SEMA3D: variants seen among roughly 807,000 people sequenced by gnomAD.
The protein encoded by SEMA3D is semaphorin-3D.
In SEMA3D, 84 loss-of-function variants were observed where a neutral mutation model predicts 100.1. That is an observed-to-expected ratio of 0.84 (90% CI 0.70 to 1.01). SEMA3D has a LOEUF of 1.01. SEMA3D is among the 50% of genes least tolerant of loss of function. The probability of loss-of-function intolerance (pLI) is 0.00; values close to 1 mark genes in which losing one functional copy is unlikely to be tolerated. For missense variants in SEMA3D, 875 were observed against 934.1 expected, an observed-to-expected ratio of 0.94 and a Z score of 0.82; for synonymous variants, 312 against 320.7, an observed-to-expected ratio of 0.97 and a Z score of 0.29.
At chr7:85,039,789 G>T (rs1790803986) in intron 11 of SEMA3D, among the ~76,000 whole-genome samples, 1 of 151,966 alleles carries the variant, frequency 6.6e-6, no homozygotes, top group Admixed American at 6.6e-5. Context: ...GTCTTTGTAG[G>T]GTAACTGGGA....
At chr7:85,191,675 C>A (rs1473392755), upstream of SEMA3D, among the ~76,000 whole-genome samples, 1 of 152,124 alleles carries the variant, frequency 6.6e-6, no homozygotes, top group East Asian at 1.9e-4. Context: ...TAAACTATTT[C>A]TTTGTGCAGT....
chr7:85,117,764 GTAT>G lies in SEMA3D; in HGVS notation c.151+3974_151+3976del, dbSNP rs1398250571. Among the ~76,000 whole-genome samples the G allele has an allele frequency of 2.4e-4, 7 of 29,468 alleles. 1 individual carries two copies. In the East Asian group the frequency reaches 3.3e-3, roughly 14 times the overall value. 19.3% of individuals were successfully genotyped at this position (29,468 alleles called of 152,430 possible). ...CTTGAGCGTGGGAGACAGAGCAAGAGTATGTATGTATGTATGTATGTATGTATG... is the reference window on the plus strand; with the variant it reads ...CTTGAGCGTGGGAGACAGAGCAAGAGGTATGTATGTATGTATGTATGTATG... On this transcript the variant is annotated intron_variant, in intron 3 of 18. Coordinates refer to ENST00000284136, the MANE Select transcript of SEMA3D (RefSeq NM_001384900.1).
intron 9 of SEMA3D, among the ~76,000 whole-genome samples, chr7:85,051,732 T>C (rs1791171590): frequency 1.3e-5 from 2 of 151,930 alleles, no homozygotes; most frequent in African/African-American, 4.8e-5. Context: ...TATCCAAATA[T>C]AAAAATCTGT....
At chr7:85,212,289 G>C in the SEMA3D span, among the ~76,000 whole-genome samples, 1 of 152,106 alleles carries the variant, frequency 6.6e-6, no homozygotes, top group Non-Finnish European at 1.5e-5. Flanking sequence ...GAGAAGGGCA[G>C]GAAAAATTCA....
chr7:85,049,487 G>A (rs1583870503), intron 9 of SEMA3D, among the ~76,000 whole-genome samples: 2 of 151,436 alleles, frequency 1.3e-5, no homozygotes, highest in African/African-American at 4.8e-5. Context: ...TCCTTTTCAG[G>A]TAGAATCAGA....
At position 85,059,151 on chromosome 7, in the gene SEMA3D, T is replaced by A. The variant is rs73377863; in HGVS notation, c.719-3292A>T. On this transcript the variant is annotated intron_variant, in intron 8 of 18. Coordinates refer to ENST00000284136, the MANE Select transcript of SEMA3D (RefSeq NM_001384900.1). ...ATTTACAGATGCTTAAATCCAGTGC[T>A]GCCAAACTGGATGGAATTCTCTAGC... Among the ~76,000 whole-genome samples the A allele has an allele frequency of 8.9e-3, 1,359 of 152,314 alleles. 27 individuals carry two copies. The highest frequency in any genetic ancestry group is 0.031 in the African/African-American group (1,294 of 41,568).
intron 1 of SEMA3D, among the ~76,000 whole-genome samples, chr7:85,156,227 T>G (rs1040665143): frequency 6.6e-6 from 1 of 151,820 alleles, no homozygotes; most frequent in Non-Finnish European, 1.5e-5. Flanking sequence ...CTCAGCCTCC[T>G]GAGTAGCTGG....
intron 4 of SEMA3D, among the ~76,000 whole-genome samples, chr7:85,095,257 T>C (rs569535674): frequency 6.6e-6 from 1 of 152,132 alleles, no homozygotes; most frequent in Admixed American, 6.6e-5. Flanking sequence ...TAATTTCTGG[T>C]GATTCTGCAC....
intron 14 of SEMA3D, among the ~76,000 whole-genome samples, chr7:85,018,498 G>C (rs1258278158): frequency 6.6e-6 from 1 of 151,630 alleles, no homozygotes; most frequent in East Asian, 1.9e-4. Flanking sequence ...TTATTTTGTA[G>C]TATCTTATTA....
rs552754408 is a variant in SEMA3D at position 85,112,386 on chromosome 7, T to C, written c.151+9355A>G. ...GGAATTTTGAAGTTTTTCTTGTCAA[T>C]GAATATACGTTTAAGAAATGTGGGA... On this transcript the variant is annotated intron_variant, in intron 3 of 18. Coordinates refer to ENST00000284136, the MANE Select transcript of SEMA3D (RefSeq NM_001384900.1). Among the ~76,000 whole-genome samples the C allele has an allele frequency of 2.0e-5, 3 of 152,324 alleles. No individual in the cohort carries two copies. The South Asian group carries it at 6.2e-4, about 32-fold the overall frequency.
At chr7:85,139,219 A>C (rs2116456764) in intron 2 of SEMA3D, among the ~76,000 whole-genome samples, 1 of 152,192 alleles carries the variant, frequency 6.6e-6, no homozygotes, top group African/African-American at 2.4e-5. Flanking sequence ...GAAATATGTA[A>C]GACTCTGGAT....
At position 85,066,917 on chromosome 7, in the gene SEMA3D, G is replaced by T. The variant is rs569926111; in HGVS notation, c.589+1274C>A. Among the ~76,000 whole-genome samples the T allele has an allele frequency of 4.4e-3, 494 of 113,100 alleles. 2 individuals carry two copies. The highest frequency in any genetic ancestry group is 6.2e-3 in the Non-Finnish European group (350 of 56,224). The allele number at this position is 113,100 out of a possible 152,430, so 74.2% of individuals were successfully genotyped here. On this transcript the variant is annotated intron_variant, in intron 7 of 18. Coordinates refer to ENST00000284136, the MANE Select transcript of SEMA3D (RefSeq NM_001384900.1). ...TCACACACACACACACACACACAGA[G>T]AGAGAGAGAGAGAGAGAGAGAGAGA...
intron 4 of SEMA3D, among the ~76,000 whole-genome samples, chr7:85,096,849 C>CTTCAAAG (rs1370988703): frequency 3.3e-5 from 5 of 151,818 alleles, no homozygotes; most frequent in Non-Finnish European, 1.5e-5. Flanking sequence ...CTGTATGTAG[C>CTTCAAAG]TTCAAAGTCC....
At chr7:85,133,265 A>G (rs546589529) in intron 2 of SEMA3D, among the ~76,000 whole-genome samples, 1 of 152,040 alleles carries the variant, frequency 6.6e-6, no homozygotes, top group East Asian at 1.9e-4. Flanking sequence ...AGCTGTGTTT[A>G]GTCTCATCCT....
At chr7:85,219,130 C>G in the SEMA3D span, among the ~76,000 whole-genome samples, 2 of 152,074 alleles carry the variant, frequency 1.3e-5, no homozygotes, top group African/African-American at 4.8e-5. Flanking sequence ...ATTTCCACAT[C>G]CTCTGTATGC....
the SEMA3D span, among the ~76,000 whole-genome samples, chr7:85,207,840 G>C: frequency 6.6e-6 from 1 of 151,916 alleles, no homozygotes; most frequent in African/African-American, 2.4e-5. Context: ...TCAAGTTATA[G>C]AGCTTACATG....
chr7:85,050,848 AC>A lies in SEMA3D; in HGVS notation c.861+4868del, dbSNP rs369204259. ...CTTTGGTAACTAACCTGCCCCTAAC[AC>A]TGCAAAATACACGCACCACTACCAT... is the stretch of plus-strand genomic sequence containing the variant. On this transcript the variant is annotated intron_variant, in intron 9 of 18. Transcript: ENST00000284136. 775 of 414,918 alleles carry A rather than the reference AC, an allele frequency of 1.9e-3. 9 individuals carry two copies. Among genetic ancestry groups the A allele is most frequent in the African/African-American group, 0.015 (715 of 48,452 alleles). The allele number at this position is 414,918 out of a possible 1,614,324, so 25.7% of individuals were successfully genotyped here. A position where few individuals can be genotyped will look rare whatever the true frequency, so the allele number is the denominator to read the frequency against.
chr7:85,099,223 C>T (rs914950998), intron 3 of SEMA3D, among the ~76,000 whole-genome samples: 5 of 151,904 alleles, frequency 3.3e-5, no homozygotes, highest in African/African-American at 1.2e-4. Context: ...CCATGATTCC[C>T]AAATGTTGTG....
chr7:85,132,614 C>T (rs896269031), intron 2 of SEMA3D, among the ~76,000 whole-genome samples: 1 of 151,718 alleles, frequency 6.6e-6, no homozygotes, highest in African/African-American at 2.4e-5. Flanking sequence ...AAATGTTTCT[C>T]TAGCATGAAC....
Sources: gnomAD v4.1 joint callset for allele counts (sites outside exome capture counted in the v4.1 genomes callset) on GRCh38, gnomAD v4.1.1 for gene constraint, MANE v1.5 for transcripts, NCBI Gene and HGNC (gene_info 2026-07-23, HGNC 2026-07-21) for gene names.